The following GPC5 variants were observed in gnomAD, a reference collection of about 807,000 sequenced individuals.
The protein encoded by GPC5 is glypican 5.
Under a neutral mutation model 53.9 loss-of-function variants are expected in GPC5, and 47 were observed. The ratio of observed to expected loss-of-function variants is 0.87; its 90% CI spans 0.69 to 1.11. The LOEUF is 1.11. Among genes scored for constraint, GPC5 ranks in the 50% most tolerant of loss-of-function variants. The probability of loss-of-function intolerance (pLI) is 0.00; values close to 1 mark genes in which losing one functional copy is unlikely to be tolerated. For synonymous variants in GPC5, 286 were observed against 263.3 expected, an observed-to-expected ratio of 1.09 and a Z score of -0.84; for missense variants, 748 against 713.1, an observed-to-expected ratio of 1.05 and a Z score of -0.56.
chr13:92,743,171 A>T (rs1020295262), intron 7 of GPC5, among the ~76,000 whole-genome samples: 21 of 151,934 alleles, frequency 1.4e-4, no homozygotes, highest in African/African-American at 4.6e-4. Flanking sequence ...TAAATTACCT[A>T]GGGCAGTATG....
At chr13:92,764,925 A>C (rs938626131) in intron 7 of GPC5, among the ~76,000 whole-genome samples, 4 of 152,054 alleles carry the variant, frequency 2.6e-5, no homozygotes, top group Non-Finnish European at 1.5e-5. Flanking sequence ...TTTCTAAGCA[A>C]AAAAAAGGGA....
chr13:91,950,151 T>A (rs7338255), intron 6 of GPC5, among the ~76,000 whole-genome samples: 17,582 of 152,130 alleles, frequency 0.12, 1,840 homozygotes, highest in African/African-American at 0.28. Context: ...CAGCAGATTC[T>A]GTAAATTTTC....
At chr13:92,369,507 T>A (rs1387018992) in intron 7 of GPC5, among the ~76,000 whole-genome samples, 4 of 152,232 alleles carry the variant, frequency 2.6e-5, no homozygotes, top group Non-Finnish European at 4.4e-5. Flanking sequence ...TAGTTGTTGT[T>A]TTCTCTTTGG....
At chr13:92,529,813 T>C (rs1460821732) in intron 7 of GPC5, among the ~76,000 whole-genome samples, 1 of 152,194 alleles carries the variant, frequency 6.6e-6, no homozygotes, top group Non-Finnish European at 1.5e-5. Flanking sequence ...CTGGGCATGA[T>C]GGCTCTCAGC....
intron 2 of GPC5, among the ~76,000 whole-genome samples, chr13:91,654,238 T>C (rs2034792197): frequency 6.6e-6 from 1 of 152,208 alleles, no homozygotes; most frequent in Admixed American, 6.5e-5. Context: ...TGTTCCATGA[T>C]GTTTAAAATT....
chr13:92,604,833 C>T (rs533190500), intron 7 of GPC5, among the ~76,000 whole-genome samples: 1 of 152,236 alleles, frequency 6.6e-6, no homozygotes, highest in Non-Finnish European at 1.5e-5. Context: ...ATAGATTTTT[C>T]CGGACAATAC....
chr13:91,407,856 C>T (rs1477464484), intron 1 of GPC5, among the ~76,000 whole-genome samples: 1 of 152,130 alleles, frequency 6.6e-6, no homozygotes, highest in Non-Finnish European at 1.5e-5. Context: ...TAATCTGTCT[C>T]TGAAATATTT....
intron 6 of GPC5, among the ~76,000 whole-genome samples, chr13:92,125,495 T>C (rs1163013170): frequency 2.0e-5 from 3 of 152,024 alleles, no homozygotes; most frequent in Admixed American, 6.6e-5. Flanking sequence ...ATGTAAAAGA[T>C]AAATGTGAGA....
intron 7 of GPC5, among the ~76,000 whole-genome samples, chr13:92,264,058 T>C (rs1253909987): frequency 6.6e-6 from 1 of 152,110 alleles, no homozygotes; most frequent in Non-Finnish European, 1.5e-5. Flanking sequence ...TTATATCCCA[T>C]AAATAAACAT....
At chr13:92,754,192 A>C (rs1874735304) in intron 7 of GPC5, among the ~76,000 whole-genome samples, 1 of 152,170 alleles carries the variant, frequency 6.6e-6, no homozygotes, top group Non-Finnish European at 1.5e-5. Flanking sequence ...CTTAAAGACA[A>C]GAATTTTCAA....
chr13:92,326,788 G>A (rs749554739), intron 7 of GPC5, among the ~76,000 whole-genome samples: 1 of 152,052 alleles, frequency 6.6e-6, no homozygotes, highest in Non-Finnish European at 1.5e-5. Flanking sequence ...TCTTCTCTGT[G>A]ATTCATTTTT....
At chr13:92,603,290 A>G (rs1427480810) in intron 7 of GPC5, among the ~76,000 whole-genome samples, 1 of 152,106 alleles carries the variant, frequency 6.6e-6, no homozygotes, top group Non-Finnish European at 1.5e-5. Context: ...CCTGAACAAC[A>G]GCATTTTTTT....
chr13:92,157,364 G>A (rs569400881), intron 7 of GPC5, among the ~76,000 whole-genome samples: 40 of 152,216 alleles, frequency 2.6e-4, no homozygotes, highest in African/African-American at 7.7e-4. Context: ...GTATTTGGCC[G>A]GTCTTAGGAG....
chr13:92,091,961 T>C (rs1261979402), intron 6 of GPC5, among the ~76,000 whole-genome samples: 2 of 152,184 alleles, frequency 1.3e-5, no homozygotes, highest in Non-Finnish European at 2.9e-5. Flanking sequence ...TTTATAGTAC[T>C]CACAATTAAG....
intron 7 of GPC5, among the ~76,000 whole-genome samples, chr13:92,628,264 C>CTTTCTTTTTTTTTTTTTTTTTTTTTTT (rs1885115304): frequency 2.2e-5 from 1 of 45,338 alleles, no homozygotes; most frequent in African/African-American, 7.3e-5. Context: ...CTTTTTCTTT[C>CTTTCTTTTTTTTTTTTTTTTTTTTTTT]TTTTTTTTTT....
chr13:92,054,304 T>C (rs887188732), intron 6 of GPC5, among the ~76,000 whole-genome samples: 11 of 151,966 alleles, frequency 7.2e-5, no homozygotes, highest in African/African-American at 2.4e-4. Flanking sequence ...TATATTCTTG[T>C]TTTTCATAGC....
At chr13:91,904,088 C>G (rs569757508) in intron 5 of GPC5, among the ~76,000 whole-genome samples, 90 of 150,710 alleles carry the variant, frequency 6.0e-4, no homozygotes, top group African/African-American at 2.0e-3. Flanking sequence ...TACATGCAAC[C>G]ATTTGTTGAG....
intron 3 of GPC5, among the ~76,000 whole-genome samples, chr13:91,698,874 C>A (rs2035937243): frequency 6.6e-6 from 1 of 152,072 alleles, no homozygotes; most frequent in Admixed American, 6.6e-5. Context: ...GACACTTTCA[C>A]AATAATAAGA....
intron 7 of GPC5, among the ~76,000 whole-genome samples, chr13:92,738,602 A>G (rs920616104): frequency 2.0e-5 from 3 of 152,146 alleles, no homozygotes; most frequent in Non-Finnish European, 4.4e-5. Flanking sequence ...TATTCAAAAT[A>G]ACAACTTAAA....
Sources: allele counts gnomAD v4.1 joint callset (sites outside exome capture counted in the v4.1 genomes callset), GRCh38; gene constraint gnomAD v4.1.1; transcripts MANE v1.5; gene names NCBI Gene and HGNC (gene_info 2026-07-23, HGNC 2026-07-21).